Variants in NFATC1 observed in about 807,000 individuals in gnomAD.
NFATC1 encodes nuclear factor of activated T cells 1, also known as nuclear factor of activated T-cells, cytoplasmic 1.
Under a neutral mutation model 76.0 loss-of-function variants are expected in NFATC1, and 22 were observed. The observed-to-expected ratio is 0.29, with a 90% CI of 0.21 to 0.41. The LOEUF is 0.41. NFATC1 is among the 10% of genes least tolerant of loss of function. The pLI is 1.00. For synonymous variants in NFATC1, 704 were observed against 613.1 expected (o/e 1.15, Z -2.19); for missense variants, 1,357 against 1,337.7 (o/e 1.01, Z -0.23).
intron 2 of NFATC1, 116 bp downstream of exon 2, chr18:79,411,617 G>GTCTCCA: frequency 1.2e-6 from 1 of 838,172 alleles, no homozygotes; most frequent in Non-Finnish European, 1.5e-6. Flanking sequence ...ACGAGAGTCA[G>GTCTCCA]GACCTGGGTG....
intron 6 of NFATC1, among the ~76,000 whole-genome samples, chr18:79,456,432 C>T (rs1229359158): frequency 2.0e-5 from 3 of 152,228 alleles, no homozygotes; most frequent in Non-Finnish European, 4.4e-5. Context: ...GGGGGAGGTT[C>T]ACCCACCCCA....
chr18:79,449,751 G>A (rs1248290549), intron 4 of NFATC1, among the ~76,000 whole-genome samples: 1 of 152,188 alleles, frequency 6.6e-6, no homozygotes, highest in African/African-American at 2.4e-5. Flanking sequence ...TGTGTGGGGT[G>A]CCCCATCCAG....
At chr18:79,421,349 C>G (rs938968481) in intron 2 of NFATC1, 1 of 152,308 alleles carries the variant, frequency 6.6e-6, no homozygotes, top group African/African-American at 2.4e-5. Flanking sequence ...AATGCCCGTC[C>G]TCCTCCCACG....
intron 3 of NFATC1, among the ~76,000 whole-genome samples, chr18:79,446,235 C>G (rs569405854): frequency 2.0e-5 from 3 of 152,236 alleles, no homozygotes; most frequent in Admixed American, 2.0e-4. Context: ...TAAATATTCC[C>G]ATTTTCACTG....
At chr18:79,424,947 C>G (rs1392873058) in intron 2 of NFATC1, among the ~76,000 whole-genome samples, 1 of 149,520 alleles carries the variant, frequency 6.7e-6, no homozygotes, top group African/African-American at 2.5e-5. Context: ...CTGTCTCTGC[C>G]TCTCTGTGTC....
intron 2 of NFATC1, among the ~76,000 whole-genome samples, chr18:79,428,486 A>C (rs1562723): frequency 0.47 from 71,622 of 152,004 alleles, 17,557 homozygotes; most frequent in African/African-American, 0.61. Context: ...GCCTCTGACC[A>C]GTGGTTCTGC....
chr18:79,430,359 C>A (rs1037696239), intron 2 of NFATC1, among the ~76,000 whole-genome samples: 4 of 152,112 alleles, frequency 2.6e-5, no homozygotes, highest in Non-Finnish European at 5.9e-5. Context: ...CCAGTGAGCC[C>A]AGTTTTTTCA....
intron 9 of NFATC1, among the ~76,000 whole-genome samples, chr18:79,511,928 G>C (rs548710663): frequency 6.6e-6 from 1 of 152,296 alleles, no homozygotes; most frequent in South Asian, 2.1e-4. Flanking sequence ...GGCCTGGGGA[G>C]AGCAGGAAGC....
chr18:79,495,730 A>G (rs996325900), intron 9 of NFATC1, among the ~76,000 whole-genome samples: 1 of 152,276 alleles, frequency 6.6e-6, no homozygotes, highest in African/African-American at 2.4e-5. Context: ...TGCCTTTGTC[A>G]TCTTGTGTAG....
In NFATC1 at chr18:79,410,029, CCT is replaced by C. The variant is rs2085604996; in HGVS notation, c.128-367_128-366del. 2 of 589,490 alleles carry C rather than the reference CCT, an allele frequency of 3.4e-6. No homozygotes were observed. Among genetic ancestry groups the C allele is most frequent in the Non-Finnish European group, 6.5e-6 (2 of 306,404 alleles). 36.5% of individuals were successfully genotyped at this position (589,490 alleles called of 1,614,324 possible). A position where few individuals can be genotyped will look rare whatever the true frequency, so the allele number is the denominator to read the frequency against. On this transcript the variant is annotated intron_variant, in intron 1 of 9. Transcript: ENST00000427363. The surrounding 1 kb of genome is among the most constrained non-coding windows in gnomAD (Gnocchi z 6.7). ...AGCGGAACCCGTGAGGACCCAGTCG[CCT>C]CTCTCTGGGAAGGACGTTCGGATGA...
At chr18:79,470,523 C>G (rs750933288) in intron 8 of NFATC1, 1 of 152,214 alleles carries the variant, frequency 6.6e-6, no homozygotes, top group South Asian at 2.1e-4. Flanking sequence ...GTAGGTTTTC[C>G]TTCAAAATTG....
At chr18:79,446,251 G>A (rs975325092) in intron 3 of NFATC1, among the ~76,000 whole-genome samples, 3 of 152,068 alleles carry the variant, frequency 2.0e-5, no homozygotes, top group African/African-American at 7.3e-5. Flanking sequence ...CACTGAAATG[G>A]CATGTTTTTT....
Position 79,494,883 on chromosome 18 carries a change from G to A in NFATC1, c.2782+7946G>A, listed in dbSNP as rs866963751. Among the ~76,000 whole-genome samples the A allele has an allele frequency of 8.2e-3, 1,160 of 141,624 alleles. 20 individuals carry two copies. The highest frequency in any genetic ancestry group is 0.029 in the African/African-American group (1,089 of 37,800). The allele number at this position is 141,624 out of a possible 152,430, so 92.9% of individuals were successfully genotyped here. A position where few individuals can be genotyped will look rare whatever the true frequency, so the allele number is the denominator to read the frequency against. ...CGGGGGAAGGCGAGAGCGGGCACACGCCCCCCATGAACCTGGTACCGCCGG... is the reference window on the plus strand; with the variant it reads ...CGGGGGAAGGCGAGAGCGGGCACACACCCCCCATGAACCTGGTACCGCCGG... On this transcript the variant is annotated intron_variant, in intron 9 of 9. Transcript: ENST00000427363.
chr18:79,502,642 CT>C lies in NFATC1; in HGVS notation c.2782+15706del, dbSNP rs577822477. Among the ~76,000 whole-genome samples, 12 of 152,180 alleles carry C rather than the reference CT, an allele frequency of 7.9e-5. No individual in the cohort carries two copies. In the East Asian group the frequency reaches 2.3e-3, roughly 29 times the overall value. On this transcript the variant is annotated intron_variant, in intron 9 of 9. Transcript: ENST00000427363. ...ACAGCTCAATAATAAGACAGAAAGC[CT>C]AATCAAAAACTGGGCAAAGGATTTG...
intron 1 of NFATC1, among the ~76,000 whole-genome samples, chr18:79,407,619 A>AT (rs1361769137): frequency 6.6e-6 from 1 of 151,962 alleles, no homozygotes; most frequent in Non-Finnish European, 1.5e-5. Flanking sequence ...GGCTACTTGT[A>AT]TTTTTTGTAG....
chr18:79,405,544 C>T (rs752281900), intron 1 of NFATC1, among the ~76,000 whole-genome samples: 20 of 152,230 alleles, frequency 1.3e-4, no homozygotes, highest in Admixed American at 2.6e-4. Flanking sequence ...GAGGGAGGGG[C>T]TCACAGCCAG....
At chr18:79,521,871 CTG>C (rs1448954827) in intron 9 of NFATC1, among the ~76,000 whole-genome samples, 2 of 9,108 alleles carry the variant, frequency 2.2e-4, no homozygotes, top group African/African-American at 1.1e-3. Flanking sequence ...ATGTGTGTGT[CTG>C]TGTGTGTGGG....
At chr18:79,473,650 C>T (rs904808693) in intron 8 of NFATC1, among the ~76,000 whole-genome samples, 4 of 142,828 alleles carry the variant, frequency 2.8e-5, no homozygotes, top group Admixed American at 2.8e-4. Flanking sequence ...AGCGTGTTCT[C>T]GCGCTCACTG....
At position 79,438,680 on chromosome 18, in the gene NFATC1, C is replaced by T. The variant is rs151112178; in HGVS notation, c.1386+4942C>T. Among the ~76,000 whole-genome samples the T allele has an allele frequency of 6.0e-3, 920 of 152,218 alleles. 4 individuals are homozygous for T. Among genetic ancestry groups the T allele is most frequent in the African/African-American group, 9.3e-3 (387 of 41,532 alleles). On this transcript the variant is annotated intron_variant, in intron 3 of 9. Transcript: ENST00000427363. The stretch of plus-strand genomic sequence containing the variant: ...AACTGAGTCTGCAAAGAGGTGAGGG[C>T]GGGTGGTCTGGGATCCTGCCTCAGC...
Sources: gnomAD v4.1 joint callset for allele counts (sites outside exome capture counted in the v4.1 genomes callset) on GRCh38, gnomAD v4.1.1 for gene constraint, Gnocchi (gnomAD v3.1) non-coding constraint, MANE v1.5 for transcripts, NCBI Gene and HGNC (gene_info 2026-07-23, HGNC 2026-07-21) for gene names.